The following PRKG1 variants were observed in gnomAD, a reference collection of about 807,000 sequenced individuals.
PRKG1 encodes the protein protein kinase cGMP-dependent 1.
A neutral mutation model predicts 88.1 loss-of-function variants in PRKG1; 35 were observed. The ratio of observed to expected loss-of-function variants is 0.40; its 90% confidence interval spans 0.30 to 0.53. The LOEUF is 0.53. Among genes scored for constraint, PRKG1 ranks in the 20% least tolerant of loss-of-function variants. The pLI, the probability that PRKG1 is intolerant of heterozygous loss-of-function variation, is 0.59. For missense variants in PRKG1, 540 were observed against 839.8 expected, an observed-to-expected ratio of 0.64 and a Z score of 4.41; for synonymous variants, 303 against 292.5, an observed-to-expected ratio of 1.04 and a Z score of -0.37.
At chr10:51,653,197 C>CTGATTTCATTTCCT (rs1840082648) in intron 3 of PRKG1, among the ~76,000 whole-genome samples, 1 of 151,582 alleles carries the variant, frequency 6.6e-6, no homozygotes, top group African/African-American at 2.4e-5. Flanking sequence ...TTTCTACATA[C>CTGATTTCATTTCCT]TGATTTCATT....
chr10:52,164,315 C>T (rs1838369277), intron 9 of PRKG1, among the ~76,000 whole-genome samples: 1 of 151,964 alleles, frequency 6.6e-6, no homozygotes. Context: ...CGCGCCATTA[C>T]CCTCCAGCCT....
rs527417556 is a variant in PRKG1 at position 51,280,447 on chromosome 10, T to A, written c.478+127117T>A. Among the ~76,000 whole-genome samples the A allele has an allele frequency of 3.3e-4, 51 of 152,366 alleles. No homozygotes were observed. The South Asian group carries it at 7.0e-3, about 21-fold the overall frequency. ...GCTAGGTTGGGGAAGTTCTCCTGGA[T>A]AATATCCTGCAGACTGTTTTCCAAC... On this transcript the variant is annotated intron_variant, in intron 2 of 17. Coordinates refer to ENST00000373980, the MANE Select transcript of PRKG1 (RefSeq NM_006258.4).
chr10:51,556,725 A>G (rs10740298), intron 3 of PRKG1, among the ~76,000 whole-genome samples: 140,814 of 152,068 alleles, frequency 0.93, 65,282 homozygotes, highest in East Asian at 1. Context: ...TACCAGACTG[A>G]GGAAGGCAGG....
chr10:51,967,500 G>A (rs1164797844), intron 5 of PRKG1, among the ~76,000 whole-genome samples: 1 of 151,802 alleles, frequency 6.6e-6, no homozygotes, highest in East Asian at 1.9e-4. Flanking sequence ...CATGGCACAT[G>A]TATACATATG....
At chr10:51,187,198 A>G (rs1275891595) in intron 2 of PRKG1, among the ~76,000 whole-genome samples, 2 of 151,626 alleles carry the variant, frequency 1.3e-5, no homozygotes, top group African/African-American at 2.4e-5. Flanking sequence ...ATGATTCTGT[A>G]TTTTAAAAAT....
rs111961628 is a variant in PRKG1, at chr10:51,118,602, T to A, written c.312-34562T>A. 4.0e-3 allele frequency among the ~76,000 whole-genome samples: 611 copies of A among 152,162 alleles called. 4 individuals carry two copies. Among genetic ancestry groups the A allele is most frequent in the African/African-American group, 0.013 (557 of 41,548 alleles). On this transcript the variant is annotated intron_variant, in intron 1 of 17. Coordinates refer to ENST00000373980, the MANE Select transcript of PRKG1 (RefSeq NM_006258.4). ...CTCGATAATTTCTACACTAACACCA[T>A]GAGATAGGTATTCTTATTAGCATCA...
intron 1 of PRKG1, among the ~76,000 whole-genome samples, chr10:51,146,133 G>A (rs566919838): frequency 6.6e-4 from 100 of 151,744 alleles, no homozygotes; most frequent in African/African-American, 2.2e-3. Context: ...AGCTTGCAGT[G>A]AGTCCAGATC....
At chr10:52,113,532 C>T (rs1847616448) in intron 7 of PRKG1, among the ~76,000 whole-genome samples, 1 of 152,048 alleles carries the variant, frequency 6.6e-6, no homozygotes, top group Non-Finnish European at 1.5e-5. Context: ...GAATATCAGC[C>T]TACAATCTTG....
At chr10:51,667,409 T>C (rs1158806812) in intron 3 of PRKG1, among the ~76,000 whole-genome samples, 3 of 152,214 alleles carry the variant, frequency 2.0e-5, no homozygotes, top group Non-Finnish European at 2.9e-5. Flanking sequence ...GAATTGAGAA[T>C]GCTTTATTCA....
intron 2 of PRKG1, among the ~76,000 whole-genome samples, chr10:51,254,795 T>C (rs1356421580): frequency 6.6e-6 from 1 of 152,032 alleles, no homozygotes; most frequent in Non-Finnish European, 1.5e-5. Flanking sequence ...AGATTTTCAT[T>C]GAAACCAAAT....
chr10:52,162,725 T>C (rs1333688240), intron 9 of PRKG1, among the ~76,000 whole-genome samples: 2 of 152,156 alleles, frequency 1.3e-5, no homozygotes, highest in African/African-American at 4.8e-5. Context: ...GTATTTTGCT[T>C]TGAGAATCCA....
chr10:51,087,345 G>T (rs1844279324), intron 1 of PRKG1, among the ~76,000 whole-genome samples: 1 of 152,072 alleles, frequency 6.6e-6, no homozygotes, highest in Non-Finnish European at 1.5e-5. Context: ...AAAAATATTT[G>T]TCCAACTGTA....
chr10:51,478,631 G>A (rs879286080), intron 3 of PRKG1, among the ~76,000 whole-genome samples: 6 of 150,610 alleles, frequency 4.0e-5, no homozygotes, highest in African/African-American at 1.2e-4. Context: ...TTTTATTGTC[G>A]TTTAATACTG....
chr10:51,310,854 A>T (rs1841166929), intron 2 of PRKG1, among the ~76,000 whole-genome samples: 1 of 152,228 alleles, frequency 6.6e-6, no homozygotes, highest in Non-Finnish European at 1.5e-5. Context: ...AAATGAATGC[A>T]AAGTTGCACA....
chr10:51,400,360 G>A (rs928101102), intron 2 of PRKG1, among the ~76,000 whole-genome samples: 14 of 152,142 alleles, frequency 9.2e-5, no homozygotes, highest in African/African-American at 2.7e-4. Context: ...TCAGGGAAGC[G>A]TTCTCTAAGG....
At chr10:51,785,673 A>C (rs1016159014) in intron 3 of PRKG1, among the ~76,000 whole-genome samples, 1 of 152,124 alleles carries the variant, frequency 6.6e-6, no homozygotes. Flanking sequence ...TCTACAGTGA[A>C]CTAAGGTGTA....
rs565341636 is a variant in PRKG1 at position 51,051,424 on chromosome 10, C to T, written c.266+59780C>T. 2.0e-5 allele frequency among the ~76,000 whole-genome samples: 3 copies of T among 152,114 alleles called. No individual in the cohort carries two copies. In the South Asian group the frequency reaches 6.2e-4, roughly 32 times the overall value. On this transcript the variant is annotated intron_variant, in intron 1 of 17. Transcript: ENST00000401604. ...GCATTTATTGAGTGACTATCCTTTC[C>T]CCATTTATTATTCTTGGCACCCTTG...
intron 2 of PRKG1, among the ~76,000 whole-genome samples, chr10:51,158,302 A>G (rs752964399): frequency 6.6e-6 from 1 of 151,950 alleles, no homozygotes; most frequent in African/African-American, 2.4e-5. Context: ...CTTGGTCAAG[A>G]CTATGCAATC....
intron 9 of PRKG1, among the ~76,000 whole-genome samples, chr10:52,172,520 T>C (rs1011337183): frequency 6.6e-6 from 1 of 152,248 alleles, no homozygotes; most frequent in African/African-American, 2.4e-5. Context: ...TAGCTTGATA[T>C]ATAAAGCCTA....
Sources: gnomAD v4.1 joint callset for allele counts (sites outside exome capture counted in the v4.1 genomes callset) on GRCh38, gnomAD v4.1.1 for gene constraint, MANE v1.5 for transcripts, NCBI Gene and HGNC (gene_info 2026-07-23, HGNC 2026-07-21) for gene names.